Variants in TRPM4 observed in about 807,000 individuals in gnomAD.
TRPM4 encodes the protein calcium-activated non-selective cation channel 1.
A neutral mutation model predicts 135.6 loss-of-function variants in TRPM4; 124 were observed. That is an observed-to-expected ratio of 0.91 (90% confidence interval 0.79 to 1.06). The LOEUF (loss-of-function observed/expected upper bound fraction) is 1.06. Among genes scored for constraint, TRPM4 ranks in the 50% least tolerant of loss-of-function variants. The pLI is 0.00. For missense variants in TRPM4, 1,658 were observed against 1,671.4 expected, an observed-to-expected ratio of 0.99 and a Z score of 0.14; for synonymous variants, 745 against 705.6, an observed-to-expected ratio of 1.06 and a Z score of -0.88.
intron 20 of TRPM4, among the ~76,000 whole-genome samples, chr19:49,204,149 G>A (rs886362847): frequency 1.3e-4 from 20 of 152,094 alleles, no homozygotes; most frequent in East Asian, 3.9e-4. Context: ...TGATTTACCC[G>A]CTCATCTGTT....
chr19:49,182,173 T>TATCCATTCATCCATACATCC (rs1967973869), intron 10 of TRPM4, among the ~76,000 whole-genome samples: 3 of 125,040 alleles, frequency 2.4e-5, no homozygotes, highest in Non-Finnish European at 3.3e-5. Context: ...TCCATCCATC[T>TATCCATTCATCCATACATCC]ACCTATCCAT....
At chr19:49,172,418 T>C (rs1285567087) in intron 9 of TRPM4, among the ~76,000 whole-genome samples, 2 of 152,148 alleles carry the variant, frequency 1.3e-5, no homozygotes, top group East Asian at 1.9e-4. Context: ...CCTCATTCTT[T>C]CATCCATCCA....
Position 49,210,967 on chromosome 19 carries a change from G to A in TRPM4, c.3462-48G>A, listed in dbSNP as rs1316921780. 6.2e-7 allele frequency: 1 copy of A among 1,605,918 alleles called. No individual in the cohort carries two copies. The highest frequency in any genetic ancestry group is 8.5e-7 in the Non-Finnish European group (1 of 1,176,174). The stretch of plus-strand genomic sequence containing the variant: ...GCCCGGGAAGCAGGCAGAGCCCTGG[G>A]GGTGGGTGGGCTGCGGGTGCCCCCG... On this transcript the variant is annotated intron_variant, in intron 22 of 24. Transcript: ENST00000252826. This position sits in a 1 kb window ranked among gnomAD's most constrained non-coding sequence, Gnocchi z 4.1.
At position 49,211,492 on chromosome 19, in the gene TRPM4, A is replaced by T. The variant is rs201121122; in HGVS notation, c.3641-2A>T. ...TGCTCTCTCTTTTCTCTCTTCCCCC[A>T]GACTGAGCCCTGCTGGCGGACTTCA... On this transcript the variant is annotated splice_acceptor_variant, in intron 24 of 24. Coordinates refer to ENST00000252826, the MANE Select transcript of TRPM4 (RefSeq NM_017636.4). LOFTEE classifies it high-confidence loss of function. This position sits in a 1 kb window ranked among gnomAD's most constrained non-coding sequence, Gnocchi z 4.8. 20 of 1,613,962 alleles carry T rather than the reference A, an allele frequency of 1.2e-5. No individual in the cohort carries two copies. The East Asian group carries it at 4.2e-4, about 34-fold the overall frequency.
rs142312281 is a variant in TRPM4 at position 49,182,690 on chromosome 19, G to A, written c.1376G>A (p.Arg459His). The A allele has an allele frequency of 1.4e-4, 230 of 1,614,150 alleles. No homozygotes were observed. In the African/African-American group the frequency reaches 2.3e-3, roughly 16 times the overall value. ...LSLGHFLTPM[R>H]LAQLYSAAPS... ...CTGGGCCACTTCCTGACCCCGATGC[G>A]CCTGGCCCAACTCTACAGCGCGGCG... Residue 459 changes from arginine (R) to histidine (H), a missense_variant, in exon 11 of 25, where the codon CGC (arginine) becomes CAC (histidine). This residue lies in a region of TRPM4 where 1,412 missense variants were observed against 1,408.7 expected (regional missense o/e 1.00). Coordinates refer to ENST00000252826, the MANE Select transcript of TRPM4 (RefSeq NM_017636.4).
At chr19:49,166,237 G>C in intron 3 of TRPM4, 22 bp downstream of exon 3, 2 of 1,576,232 alleles carry the variant, frequency 1.3e-6, no homozygotes, top group East Asian at 2.3e-5. Flanking sequence ...CTCTGTGGGC[G>C]GGGCCCGGGC....
In TRPM4 at chr19:49,210,271, T is replaced by G; in HGVS notation, c.3194T>G (p.Leu1065Arg). ...TACTGGAAGGCGCAGCGTTACCGCCTCATCCGGGAATTCCACTCTCGGCCC... is the reference window on the plus strand; with the variant it reads ...TACTGGAAGGCGCAGCGTTACCGCCGCATCCGGGAATTCCACTCTCGGCCC... ...DLYWKAQRYR[L>R]IREFHSRPAL... The change falls in exon 21 of 25, where the codon CTC becomes CGC. Residue 1065 changes from leucine to arginine, a missense_variant. Physicochemically the swap from Leu to Arg is moderately radical, Grantham distance 102 (BLOSUM62 -2). Transcript: ENST00000252826. This position sits in a 1 kb window ranked among gnomAD's most constrained non-coding sequence, Gnocchi z 4.1. 1 of 1,614,216 alleles carries G rather than the reference T, an allele frequency of 6.2e-7. No individual in the cohort carries two copies.
chr19:49,211,579 G>T lies in TRPM4; in HGVS notation c.*81G>T, dbSNP rs138173650. On this transcript the variant is annotated 3_prime_UTR_variant, in exon 25 of 25. Transcript: ENST00000252826. The surrounding 1 kb of genome is among the most constrained non-coding windows in gnomAD (Gnocchi z 4.8). Reference sequence around the variant, plus strand: ...AAGGCTCATCTGGGCCTCGGCCCCCGCACCTGGTGGCCTTGTCCTTGAGGT... The same window carrying T: ...AAGGCTCATCTGGGCCTCGGCCCCCTCACCTGGTGGCCTTGTCCTTGAGGT... 387 of 1,562,838 alleles carry T rather than the reference G, an allele frequency of 2.5e-4. 1 individual carries two copies. The highest frequency in any genetic ancestry group is 3.2e-4 in the Non-Finnish European group (363 of 1,135,960).
Position 49,211,265 on chromosome 19 carries a change from CA to C in TRPM4, c.3639del (p.Asp1214ThrfsTer19). 2 of 1,582,010 alleles carry C rather than the reference CA, an allele frequency of 1.3e-6. No individual in the cohort carries two copies. Among genetic ancestry groups the C allele is most frequent in the Non-Finnish European group, 8.6e-7 (1 of 1,165,036 alleles). ...CGCCACCCCCTGACCTGCCTGGGTC[CA>C]AAGGTCAGTGTGTAGCATCAGCCTG... ...GPPPPDLPGS[K>X]D On this transcript the variant is annotated frameshift_variant, in exon 24 of 25. Transcript: ENST00000252826. LOFTEE classifies it high-confidence loss of function. This position sits in a 1 kb window ranked among gnomAD's most constrained non-coding sequence, Gnocchi z 4.8.
In TRPM4 at chr19:49,210,784, G is replaced by C. The variant is rs754399438; in HGVS notation, c.3403G>C (p.Ala1135Pro). The C allele has an allele frequency of 3.7e-6, 6 of 1,613,876 alleles. No homozygotes were observed. In the African/African-American group the frequency reaches 8.0e-5, roughly 22 times the overall value. The change falls in exon 22 of 25, where the codon GCA becomes CCA. Residue 1135 changes from alanine (A) to proline (P), a missense_variant. By Grantham distance (27) the Ala-to-Pro change is conservative (BLOSUM62 -1). Coordinates refer to ENST00000252826, the MANE Select transcript of TRPM4 (RefSeq NM_017636.4). This position sits in a 1 kb window ranked among gnomAD's most constrained non-coding sequence, Gnocchi z 4.1. Reference protein sequence around the residue: ...ESVHKENFLLARARDKRESDS... With the variant: ...ESVHKENFLLPRARDKRESDS... ...GGTGCATAAGGAGAACTTTCTGCTG[G>C]CACGCGCTAGGGACAAGCGGGAGAG... is the stretch of plus-strand genomic sequence containing the variant.
rs1568459394 is a variant in TRPM4, at chr19:49,168,354, C to A, written c.543C>A (p.Thr181=). 1 of 1,614,124 alleles carries A rather than the reference C, an allele frequency of 6.2e-7. No individual in the cohort carries two copies. The highest frequency in any genetic ancestry group is 1.3e-5 in the African/African-American group (1 of 75,040). Residue 181 remains threonine (T), a synonymous_variant, in exon 5 of 25, where the codon ACC becomes ACA. Transcript: ENST00000252826. The part of the protein sequence containing the change: ...RDHQMASTGG[T]KVVAMGVAPW... The stretch of plus-strand genomic sequence containing the variant: ...ATCAGATGGCCAGCACTGGGGGCAC[C>A]AAGGTGGTGGCCATGGGTGTGGCCC...
At chr19:49,202,872 T>C (rs1451858048) in intron 20 of TRPM4, among the ~76,000 whole-genome samples, 5 of 146,910 alleles carry the variant, frequency 3.4e-5, no homozygotes, top group African/African-American at 1.3e-4. Flanking sequence ...AAATTTTCCA[T>C]TTTTACTTCT....
rs930340436 is a variant in TRPM4 at position 49,167,024 on chromosome 19, G to A, written c.267+809G>A. ...CCTGTTTCTCCGGGTCTCTGTCCCC[G>A]TCTCTCCGGGTCTCTGTTTCCCCTT... On this transcript the variant is annotated intron_variant, in intron 3 of 24. Transcript: ENST00000252826. Among the ~76,000 whole-genome samples, 24 of 138,190 alleles carry A rather than the reference G, an allele frequency of 1.7e-4. No homozygotes were observed. The South Asian group carries it at 2.6e-3, about 15-fold the overall frequency. The allele number at this position is 138,190 out of a possible 152,430, so 90.7% of individuals were successfully genotyped here. A position where few individuals can be genotyped will look rare whatever the true frequency, so the allele number is the denominator to read the frequency against.
At chr19:49,172,481 C>T (rs1294723252) in intron 9 of TRPM4, among the ~76,000 whole-genome samples, 3 of 151,400 alleles carry the variant, frequency 2.0e-5, no homozygotes, top group African/African-American at 4.9e-5. Context: ...GAATTCCATC[C>T]GCTCATTCCT....
At chr19:49,177,724 T>A (rs941919241) in intron 9 of TRPM4, among the ~76,000 whole-genome samples, 3 of 152,132 alleles carry the variant, frequency 2.0e-5, no homozygotes, top group Non-Finnish European at 4.4e-5. Context: ...GCAAGGATTA[T>A]CACCCCATTT....
rs35173042 is a variant in TRPM4, at chr19:49,198,646, C to CAA, written c.2646-1633_2646-1632dup. 2.2e-3 allele frequency among the ~76,000 whole-genome samples: 160 copies of CAA among 72,660 alleles called. 1 individual carries two copies. The highest frequency in any genetic ancestry group is 7.5e-3 in the African/African-American group (145 of 19,268). The allele number at this position is 72,660 out of a possible 152,430, so 47.7% of individuals were successfully genotyped here. ...CTGGGTGAAAAGAGCAAAACTCTGT[C>CAA]AAAAAAAAAAAAAAAAAAAAAAGGG... On this transcript the variant is annotated intron_variant, in intron 17 of 24. Transcript: ENST00000252826.
chr19:49,180,467 TGTGTGTGTG>T (rs1967873366), intron 9 of TRPM4, among the ~76,000 whole-genome samples: 1 of 148,076 alleles, frequency 6.8e-6, no homozygotes, highest in African/African-American at 2.6e-5. Flanking sequence ...TGTGTGTGTG[TGTGTGTGTG>T]TTGCACCCGG....
chr19:49,198,646 CAAAA>C (rs35173042), intron 17 of TRPM4, among the ~76,000 whole-genome samples: 120 of 72,692 alleles, frequency 1.7e-3, no homozygotes, highest in African/African-American at 5.2e-3. Flanking sequence ...AAAACTCTGT[CAAAA>C]AAAAAAAAAA....
rs760180916 is a variant in TRPM4, at chr19:49,202,052, G to T, written c.3042G>T (p.Gln1014His). 5.0e-6 allele frequency: 8 copies of T among 1,614,060 alleles called. No individual in the cohort carries two copies. Among genetic ancestry groups the T allele is most frequent in the Non-Finnish European group, 6.8e-6 (8 of 1,180,044 alleles). The change falls in exon 20 of 25, where the codon CAG becomes CAT. Residue 1014 changes from glutamine to histidine, a missense_variant. Around this residue, in one of 3 missense-constraint regions of TRPM4, gnomAD observed 1,412 missense variants for 1,408.7 expected, o/e 1.00. Transcript: ENST00000252826. ...PGAQAGTCVSQYANWLVVLLL... is the reference protein window; with the variant it reads ...PGAQAGTCVSHYANWLVVLLL... ...CCCAGGCGGGCACCTGCGTCTCCCA[G>T]TATGCCAACTGGCTGGTGGTGCTGC...
Sources: gnomAD v4.1 joint callset for allele counts (sites outside exome capture counted in the v4.1 genomes callset) on GRCh38, gnomAD v4.1.1 for gene constraint, gnomAD v4.1.1 regional missense constraint, Gnocchi (gnomAD v3.1) non-coding constraint, MANE v1.5 for transcripts, NCBI Gene and HGNC (gene_info 2026-07-23, HGNC 2026-07-21) for gene names.